ZBTB46: variants seen among roughly 807,000 people sequenced by gnomAD.
The protein encoded by ZBTB46 is zinc finger and BTB domain-containing protein 46.
ZBTB46 carries 8 observed loss-of-function variants against 44.1 expected under a neutral mutation model. That is an observed-to-expected ratio of 0.18 (90% CI 0.11 to 0.33). The LOEUF (loss-of-function observed/expected upper bound fraction) is 0.33. ZBTB46 is among the 10% of genes least tolerant of loss of function. The pLI is 1.00. For synonymous variants in ZBTB46, 409 were observed against 382.3 expected (o/e 1.07, Z -0.81); for missense variants, 651 against 847.7 (o/e 0.77, Z 2.88).
At chr20:63,831,266 C>CG (rs2092849852), upstream of ZBTB46, 1 of 139,498 alleles carries the variant, frequency 7.2e-6, no homozygotes, top group Non-Finnish European at 1.6e-5. Flanking sequence ...CCGGCGCGCG[C>CG]CCCCGCGCCC....
At chr20:63,780,844 A>T (rs1330978416) in intron 2 of ZBTB46, among the ~76,000 whole-genome samples, 2 of 150,184 alleles carry the variant, frequency 1.3e-5, no homozygotes, top group Non-Finnish European at 3.0e-5. Flanking sequence ...TAAATGAAAA[A>T]AGGAGGCCAT....
chr20:63,771,149 G>A (rs2092367458), intron 3 of ZBTB46, among the ~76,000 whole-genome samples: 2 of 152,216 alleles, frequency 1.3e-5, no homozygotes, highest in Admixed American at 1.3e-4. Flanking sequence ...CTGAGGGCTG[G>A]GTACCGGGGA....
chr20:63,790,929 G>A, intron 1 of ZBTB46, 139 bp from the exon 2 acceptor site: 2 of 1,249,294 alleles, frequency 1.6e-6, no homozygotes, highest in Admixed American at 5.8e-5. Flanking sequence ...CCATCCACAG[G>A]TGTGCAGCGG....
intron 2 of ZBTB46, among the ~76,000 whole-genome samples, chr20:63,778,570 G>A (rs2092443486): frequency 6.6e-6 from 1 of 152,184 alleles, no homozygotes. Context: ...GGTGTGGCAG[G>A]TGGGCAGGGC....
Position 63,803,452 on chromosome 20 carries a change from T to A in ZBTB46, c.-33-12662A>T, listed in dbSNP as rs900286043. The A allele has an allele frequency of 4.1e-6, 4 of 985,216 alleles. No individual in the cohort carries two copies. In the African/African-American group the frequency reaches 5.2e-5, roughly 13 times the overall value. The allele number at this position is 985,216 out of a possible 1,614,324, so 61.0% of individuals were successfully genotyped here. On this transcript the variant is annotated intron_variant, in intron 1 of 4. Transcript: ENST00000245663. The surrounding 1 kb of genome is among the most constrained non-coding windows in gnomAD (Gnocchi z 4.0). ...GAGACCGGTGGTACTATCCACATCA[T>A]CTCCAGTGAGCAAGTGGGTGCTGGC...
intron 4 of ZBTB46, among the ~76,000 whole-genome samples, chr20:63,749,631 C>A (rs1287376970): frequency 6.6e-6 from 1 of 152,250 alleles, no homozygotes; most frequent in Non-Finnish European, 1.5e-5. Flanking sequence ...CCACCGCGCC[C>A]AGCCTGTTTT....
intron 1 of ZBTB46, among the ~76,000 whole-genome samples, chr20:63,795,858 G>C (rs6010653): frequency 0.086 from 13,037 of 152,270 alleles, 978 homozygotes; most frequent in East Asian, 0.44. Context: ...CAGCCTCTAG[G>C]GCCATCTTGG....
At chr20:63,758,832 C>T (rs367859784) in intron 3 of ZBTB46, among the ~76,000 whole-genome samples, 90 of 151,822 alleles carry the variant, frequency 5.9e-4, no homozygotes, top group Non-Finnish European at 1.0e-3. Flanking sequence ...CCCGGGTTCA[C>T]GCCATTCTCC....
upstream of ZBTB46, among the ~76,000 whole-genome samples, chr20:63,832,608 CTT>C (rs2092857830): frequency 6.6e-6 from 1 of 152,212 alleles, no homozygotes; most frequent in South Asian, 2.1e-4. This position sits in a 1 kb window ranked among gnomAD's most constrained non-coding sequence, Gnocchi z 5.0. Context: ...GGGACACTCC[CTT>C]ACTGCCGTCG....
chr20:63,752,438 C>T lies in ZBTB46; in HGVS notation c.1398+248G>A, dbSNP rs1322832811. On this transcript the variant is annotated intron_variant, in intron 4 of 4. Coordinates refer to ENST00000245663, the MANE Select transcript of ZBTB46 (RefSeq NM_001369741.1). This position sits in a 1 kb window ranked among gnomAD's most constrained non-coding sequence, Gnocchi z 5.6. ...GCTGAGTTTGCCGAGGCCTGGCTGC[C>T]TTGGCGGCCAGCAGGTGAGCAGGGT... 3.9e-5 allele frequency among the ~76,000 whole-genome samples: 6 copies of T among 152,022 alleles called. No individual in the cohort carries two copies. The highest frequency in any genetic ancestry group is 1.3e-4 in the Admixed American group (2 of 15,276).
At chr20:63,812,390 T>C (rs894112895) in intron 1 of ZBTB46, among the ~76,000 whole-genome samples, 1 of 152,042 alleles carries the variant, frequency 6.6e-6, no homozygotes, top group Non-Finnish European at 1.5e-5. Context: ...GCACCTGTAA[T>C]CCCAGCACTT....
chr20:63,782,234 G>A (rs947352629), intron 2 of ZBTB46, among the ~76,000 whole-genome samples: 1 of 152,144 alleles, frequency 6.6e-6, no homozygotes, highest in South Asian at 2.1e-4. Flanking sequence ...GTGGCAGAAC[G>A]ACTCCGCAGA....
At chr20:63,805,758 T>G (rs557733398) in intron 1 of ZBTB46, among the ~76,000 whole-genome samples, 1 of 142,986 alleles carries the variant, frequency 7.0e-6, no homozygotes, top group South Asian at 2.2e-4. Flanking sequence ...GCTTTTTTTT[T>G]TTTTTCCTTT....
At chr20:63,747,939 T>C (rs2092120598) in intron 4 of ZBTB46, among the ~76,000 whole-genome samples, 1 of 152,176 alleles carries the variant, frequency 6.6e-6, no homozygotes, top group Non-Finnish European at 1.5e-5. Flanking sequence ...GGGCCCCGCA[T>C]TGGACTGGAG....
chr20:63,831,508 C>A (rs544463683), upstream of ZBTB46, among the ~76,000 whole-genome samples: 877 of 147,194 alleles, frequency 6.0e-3, 5 homozygotes, highest in Non-Finnish European at 8.0e-3. Flanking sequence ...CGTTCTCCCC[C>A]CCGCGGGCAG....
Position 63,787,006 on chromosome 20 carries a change from G to A in ZBTB46, c.937+2815C>T, listed in dbSNP as rs2092521563. On this transcript the variant is annotated intron_variant, in intron 2 of 4. Transcript: ENST00000245663. The surrounding 1 kb of genome is among the most constrained non-coding windows in gnomAD (Gnocchi z 4.6). ...GCCGTAGCTCAGTGCAGGACGCACA[G>A]CAACAACAGATGAGAATGAATAAAA... Among the ~76,000 whole-genome samples, 1 of 152,180 alleles carries A rather than the reference G, an allele frequency of 6.6e-6. No individual in the cohort carries two copies. The highest frequency in any genetic ancestry group is 2.1e-4 in the South Asian group (1 of 4,824).
chr20:63,793,117 G>GC (rs977286060), intron 1 of ZBTB46, among the ~76,000 whole-genome samples: 1 of 141,542 alleles, frequency 7.1e-6, no homozygotes, highest in African/African-American at 2.5e-5. Flanking sequence ...CCAAGACCAG[G>GC]CCCCCGCCTG....
rs915526868 is a variant in ZBTB46 at position 63,752,883 on chromosome 20, G to C, written c.1223-22C>G. ...TTCACTGAAAGAGAGGGACCCGCGA[G>C]GCGTCAGCAGGGCTTGGGATGTACC... On this transcript the variant is annotated intron_variant, in intron 3 of 4. Transcript: ENST00000245663. This position sits in a 1 kb window ranked among gnomAD's most constrained non-coding sequence, Gnocchi z 5.6. 6.3e-7 allele frequency: 1 copy of C among 1,579,928 alleles called. No individual in the cohort carries two copies. Among genetic ancestry groups the C allele is most frequent in the Non-Finnish European group, 8.6e-7 (1 of 1,157,618 alleles).
chr20:63,759,524 C>T (rs2092255229), intron 3 of ZBTB46, among the ~76,000 whole-genome samples: 1 of 152,100 alleles, frequency 6.6e-6, no homozygotes, highest in Non-Finnish European at 1.5e-5. Context: ...AGTGCCTGGC[C>T]CCTTTCATTT....
Sources: gnomAD v4.1 joint callset for allele counts (sites outside exome capture counted in the v4.1 genomes callset) on GRCh38, gnomAD v4.1.1 for gene constraint, Gnocchi (gnomAD v3.1) non-coding constraint, MANE v1.5 for transcripts, NCBI Gene and HGNC (gene_info 2026-07-23, HGNC 2026-07-21) for gene names.